The following PLB1 variants were observed in gnomAD, a reference collection of about 807,000 sequenced individuals.
PLB1 encodes the protein phospholipase B1.
Under a neutral mutation model 227.4 loss-of-function variants are expected in PLB1, and 242 were observed. The observed-to-expected ratio is 1.06, with a 90% CI of 0.96 to 1.18. The LOEUF is 1.18. Among genes scored for constraint, PLB1 ranks in the 50% most tolerant of loss-of-function variants. PLB1 has a pLI of 0.00. For synonymous variants in PLB1, 757 were observed against 682.2 expected, an observed-to-expected ratio of 1.11 and a Z score of -1.71; for missense variants, 1,858 against 1,816.3, an observed-to-expected ratio of 1.02 and a Z score of -0.42.
At chr2:28,539,875 A>G (rs1188582577) in intron 11 of PLB1, among the ~76,000 whole-genome samples, 1 of 151,720 alleles carries the variant, frequency 6.6e-6, no homozygotes, top group Non-Finnish European at 1.5e-5. Flanking sequence ...TCTATCCCAT[A>G]GTCACCCCCT....
At chr2:28,545,840 G>A (rs760635769) in intron 14 of PLB1, among the ~76,000 whole-genome samples, 8 of 152,260 alleles carry the variant, frequency 5.3e-5, no homozygotes, top group Admixed American at 4.6e-4. Context: ...TGCCCTCTGT[G>A]TGGGGAGCAG....
intron 47 of PLB1, 61 bp downstream of exon 47, chr2:28,620,393 G>A: frequency 6.8e-7 from 1 of 1,475,434 alleles, no homozygotes; most frequent in Non-Finnish European, 9.2e-7. Context: ...TGTGAGTAGT[G>A]TGTTTCCTGT....
chr2:28,557,926 A>G (rs1675388352), intron 17 of PLB1, among the ~76,000 whole-genome samples: 1 of 152,190 alleles, frequency 6.6e-6, no homozygotes, highest in Non-Finnish European at 1.5e-5. Flanking sequence ...TAACAATAAG[A>G]TCACAGATGA....
chr2:28,629,109 G>T lies in PLB1; in HGVS notation c.3742G>T (p.Val1248Phe). The T allele has an allele frequency of 6.2e-7, 1 of 1,613,756 alleles. No individual in the cohort carries two copies. The highest frequency in any genetic ancestry group is 8.5e-7 in the Non-Finnish European group (1 of 1,179,828). ...CTCCCTGCAGCTCCCAAGGGCTTTC[G>T]TCAACGTGGTGGAGGTCATGGAGCT... ...ILSEELPRAF[V>F]NVVEVMELAS... The change falls in exon 53 of 58, where the codon GTC (valine) becomes TTC (phenylalanine). Residue 1248 changes from valine to phenylalanine, a missense_variant. Physicochemically the swap from Val to Phe is conservative, Grantham distance 50 (BLOSUM62 -1). Coordinates refer to ENST00000327757, the MANE Select transcript of PLB1 (RefSeq NM_153021.5).
At chr2:28,633,637 T>C (rs180876195) in intron 56 of PLB1, among the ~76,000 whole-genome samples, 9 of 152,348 alleles carry the variant, frequency 5.9e-5, no homozygotes, top group African/African-American at 2.2e-4. Flanking sequence ...AGAAGGGACC[T>C]TATGAAATGA....
At position 28,532,119 on chromosome 2, in the gene PLB1, T is replaced by C. The variant is rs1572794191; in HGVS notation, c.480T>C (p.Phe160=). The C allele has an allele frequency of 6.2e-6, 10 of 1,611,866 alleles. No individual in the cohort carries two copies. Among genetic ancestry groups the C allele is most frequent in the East Asian group, 2.2e-5 (1 of 44,698 alleles). The part of the protein sequence containing the change: ...RNMKENLQLD[F]QFDWKLINVF... ...GCCCTTTTATTCAGCAACTTGACTT[T>C]CAATTTGACTGGAAGCTCATCAATG... Residue 160 remains phenylalanine (F), a synonymous_variant, in exon 9 of 58, where the codon TTT becomes TTC. Coordinates refer to ENST00000327757, the MANE Select transcript of PLB1 (RefSeq NM_153021.5).
chr2:28,642,656 C>G (rs11894900), intron 57 of PLB1, among the ~76,000 whole-genome samples: 43,180 of 152,102 alleles, frequency 0.28, 6,180 homozygotes, highest in East Asian at 0.38. Context: ...AAGGTTCTAG[C>G]TGGGTGTTGA....
At chr2:28,635,743 C>T (rs1028531773) in intron 56 of PLB1, among the ~76,000 whole-genome samples, 6 of 152,344 alleles carry the variant, frequency 3.9e-5, no homozygotes, top group African/African-American at 1.4e-4. Flanking sequence ...GGGATATTTT[C>T]CTCTTCCTCT....
At chr2:28,618,627 C>T (rs1686542245) in intron 46 of PLB1, among the ~76,000 whole-genome samples, 1 of 152,212 alleles carries the variant, frequency 6.6e-6, no homozygotes, top group South Asian at 2.1e-4. Context: ...CCCTCAATTC[C>T]CCAGGGAGAA....
intron 26 of PLB1, among the ~76,000 whole-genome samples, chr2:28,589,071 A>G (rs1270513659): frequency 6.6e-6 from 1 of 152,070 alleles, no homozygotes; most frequent in Non-Finnish European, 1.5e-5. Flanking sequence ...AGGCTGAGGC[A>G]GGGGAATCGC....
chr2:28,571,270 G>T (rs2204673), intron 20 of PLB1, among the ~76,000 whole-genome samples: 120,841 of 152,122 alleles, frequency 0.79, 48,396 homozygotes, highest in Admixed American at 0.85. Flanking sequence ...AAAGGGCATC[G>T]CTTTTAAGAT....
intron 4 of PLB1, among the ~76,000 whole-genome samples, chr2:28,523,741 T>A (rs1000331422): frequency 6.6e-6 from 1 of 152,114 alleles, no homozygotes; most frequent in Non-Finnish European, 1.5e-5. Flanking sequence ...CAGAAGCAAA[T>A]TGATGGTCCT....
intron 55 of PLB1, 58 bp downstream of exon 55, chr2:28,632,198 A>AAATACAC: frequency 7.7e-7 from 1 of 1,306,560 alleles, no homozygotes; most frequent in Non-Finnish European, 1.1e-6. Context: ...CAGACGATGG[A>AAATACAC]TGTATTTCCT....
intron 1 of PLB1, among the ~76,000 whole-genome samples, chr2:28,504,751 AAACAAC>A (rs367993694): frequency 1.3e-5 from 2 of 152,106 alleles, no homozygotes; most frequent in African/African-American, 2.4e-5. Context: ...CAAAAAAACA[AAACAAC>A]AACAACAACA....
At chr2:28,610,066 C>T (rs1007566846) in intron 43 of PLB1, among the ~76,000 whole-genome samples, 1 of 152,168 alleles carries the variant, frequency 6.6e-6, no homozygotes, top group Non-Finnish European at 1.5e-5. Flanking sequence ...CACCCTATGG[C>T]CTCTGCTTAA....
rs76817218 is a variant in PLB1, at chr2:28,621,025, C to T, written c.3527+47C>T. The T allele has an allele frequency of 7.7e-5, 116 of 1,505,628 alleles. 1 individual carries two copies. In the East Asian group the frequency reaches 2.2e-3, roughly 28 times the overall value. 93.3% of individuals were successfully genotyped at this position (1,505,628 alleles called of 1,614,324 possible). On this transcript the variant is annotated intron_variant, in intron 49 of 57. Coordinates refer to ENST00000327757, the MANE Select transcript of PLB1 (RefSeq NM_153021.5). ...GGGCGAGTGGAAGGCAAGACTGAGACATCAGGGTGGGAAACCGGAGGAGAG... is the reference window on the plus strand; with the variant it reads ...GGGCGAGTGGAAGGCAAGACTGAGATATCAGGGTGGGAAACCGGAGGAGAG...
chr2:28,504,278 C>T (rs998658730), intron 1 of PLB1, among the ~76,000 whole-genome samples: 1 of 152,202 alleles, frequency 6.6e-6, no homozygotes, highest in Non-Finnish European at 1.5e-5. Flanking sequence ...CTAGCTTATT[C>T]AGTCTCCTTC....
At chr2:28,574,482 A>C (rs1465616265) in intron 21 of PLB1, among the ~76,000 whole-genome samples, 1 of 148,642 alleles carries the variant, frequency 6.7e-6, no homozygotes, top group Non-Finnish European at 1.5e-5. Flanking sequence ...TCCCAGGTTC[A>C]AGGGATTCTC....
chr2:28,534,160 G>A (rs1671371567), intron 9 of PLB1, among the ~76,000 whole-genome samples: 1 of 152,108 alleles, frequency 6.6e-6, no homozygotes, highest in South Asian at 2.1e-4. Flanking sequence ...TATATGGAAT[G>A]AGTTTATTTC....
Sources: allele counts gnomAD v4.1 joint callset (sites outside exome capture counted in the v4.1 genomes callset), GRCh38; gene constraint gnomAD v4.1.1; transcripts MANE v1.5; gene names NCBI Gene and HGNC (gene_info 2026-07-23, HGNC 2026-07-21).